The following PACRG variants were observed in gnomAD, a reference collection of about 807,000 sequenced individuals.
PACRG encodes the protein parkin coregulated.
In PACRG, 29 loss-of-function variants were observed where a neutral mutation model predicts 29.7. That is an observed-to-expected ratio of 0.98 (90% confidence interval 0.73 to 1.33). The LOEUF is 1.33. Among genes scored for constraint, PACRG ranks in the 40% most tolerant of loss-of-function variants. PACRG has a pLI of 0.00. For missense variants in PACRG, 279 were observed against 316.2 expected (o/e 0.88, Z 0.89); for synonymous variants, 116 against 118.7 (o/e 0.98, Z 0.15).
Position 162,747,359 on chromosome 6 carries a change from TATATAC to T in PACRG, c.156+18970_156+18975del, listed in dbSNP as rs1272754928. Among the ~76,000 whole-genome samples the T allele has an allele frequency of 3.5e-4, 21 of 59,258 alleles. 2 individuals are homozygous for T. Among genetic ancestry groups the T allele is most frequent in the African/African-American group, 9.1e-4 (10 of 11,012 alleles). The allele number at this position is 59,258 out of a possible 152,430, so 38.9% of individuals were successfully genotyped here. On this transcript the variant is annotated intron_variant, in intron 1 of 4. Transcript: ENST00000366888. Reference sequence around the variant, plus strand: ...ATATATATATATATATATATATATATATATACACATACATATATATGTATATATATG... The same window carrying T: ...ATATATATATATATATATATATATATACATACATATATATGTATATATATG...
intron 2 of PACRG, among the ~76,000 whole-genome samples, chr6:162,837,596 T>C (rs924553341): frequency 6.6e-6 from 1 of 152,174 alleles, no homozygotes; most frequent in Non-Finnish European, 1.5e-5. Context: ...TCACAACTTA[T>C]CTGGAAAAAT....
intron 4 of PACRG, among the ~76,000 whole-genome samples, chr6:163,112,539 A>ATT: frequency 6.6e-6 from 1 of 152,170 alleles, no homozygotes; most frequent in African/African-American, 2.4e-5. Context: ...TATGGCCAGT[A>ATT]ACCCCCTTTT....
intron 1 of PACRG, among the ~76,000 whole-genome samples, chr6:162,778,857 A>T (rs773383244): frequency 2.0e-5 from 3 of 152,212 alleles, no homozygotes; most frequent in African/African-American, 7.2e-5. Flanking sequence ...AGGTTCCAAC[A>T]CTACTTTATT....
chr6:162,985,570 G>C (rs1009281653), intron 2 of PACRG, among the ~76,000 whole-genome samples: 1 of 151,978 alleles, frequency 6.6e-6, no homozygotes. Flanking sequence ...CATAATAAAA[G>C]CCATGTATGA....
At chr6:162,996,475 C>G (rs575866767) in intron 2 of PACRG, among the ~76,000 whole-genome samples, 1 of 152,168 alleles carries the variant, frequency 6.6e-6, no homozygotes, top group African/African-American at 2.4e-5. Flanking sequence ...AACCATTATA[C>G]ACAAAGATGC....
At chr6:163,046,377 CT>C (rs1457188205) in intron 2 of PACRG, among the ~76,000 whole-genome samples, 2 of 103,722 alleles carry the variant, frequency 1.9e-5, no homozygotes, top group African/African-American at 6.2e-5. Context: ...TCTTACTTAA[CT>C]TTTTGTGATT....
At chr6:163,100,957 T>C (rs1208716329) in intron 4 of PACRG, 1 of 984,920 alleles carries the variant, frequency 1.0e-6, no homozygotes, top group Admixed American at 6.1e-5. Context: ...GATGGCAACG[T>C]AATTATGACC....
At chr6:162,755,114 A>G (rs900246290) in intron 1 of PACRG, among the ~76,000 whole-genome samples, 5 of 151,922 alleles carry the variant, frequency 3.3e-5, no homozygotes, top group African/African-American at 1.2e-4. Context: ...GATCCTTTGT[A>G]TTTTTGTAGT....
chr6:162,751,912 G>A (rs1781541142), intron 1 of PACRG, among the ~76,000 whole-genome samples: 2 of 152,116 alleles, frequency 1.3e-5, no homozygotes, highest in South Asian at 2.1e-4. Context: ...CTTCTGTATC[G>A]ATCTGACATA....
At chr6:163,161,022 A>G in intron 4 of PACRG, among the ~76,000 whole-genome samples, 1 of 152,210 alleles carries the variant, frequency 6.6e-6, no homozygotes, top group East Asian at 1.9e-4. Flanking sequence ...AGGAAGCGGC[A>G]AAGCCAGGAT....
chr6:162,967,583 T>C (rs1349565095), intron 2 of PACRG, among the ~76,000 whole-genome samples: 2 of 151,754 alleles, frequency 1.3e-5, no homozygotes, highest in African/African-American at 4.8e-5. Flanking sequence ...CTCGGCTCAC[T>C]GCAAGCTCCG....
At chr6:162,779,490 G>A (rs959980846) in intron 1 of PACRG, among the ~76,000 whole-genome samples, 2 of 152,188 alleles carry the variant, frequency 1.3e-5, no homozygotes, top group African/African-American at 4.8e-5. Context: ...TGTAAAGGGA[G>A]AGAAAATTCA....
At chr6:163,283,836 A>G (rs557184182) in intron 4 of PACRG, among the ~76,000 whole-genome samples, 19 of 146,048 alleles carry the variant, frequency 1.3e-4, no homozygotes, top group Non-Finnish European at 2.6e-4. Context: ...AATTTAGGCC[A>G]GATGCGGTGG....
intron 2 of PACRG, among the ~76,000 whole-genome samples, chr6:162,894,771 T>G (rs1795039112): frequency 6.6e-6 from 1 of 152,384 alleles, no homozygotes; most frequent in South Asian, 2.1e-4. Flanking sequence ...GAAGGAATTA[T>G]GCCAGCTTTG....
At position 163,035,133 on chromosome 6, in the gene PACRG, G is replaced by A. The variant is rs146111088; in HGVS notation, c.292-27017G>A. ...ATCTTGGTTTTGGTGGGTTTTAGCC[G>A]GCTTCTTTACTGCAGTCTGTTTTAT... On this transcript the variant is annotated intron_variant, in intron 2 of 4. Transcript: ENST00000366888. Among the ~76,000 whole-genome samples the A allele has an allele frequency of 3.6e-3, 545 of 152,210 alleles. 3 individuals are homozygous for A. The highest frequency in any genetic ancestry group is 0.012 in the African/African-American group (517 of 41,536).
In PACRG at chr6:163,021,738, G is replaced by A. The variant is rs527810163; in HGVS notation, c.292-40412G>A. Among the ~76,000 whole-genome samples, 17 of 152,122 alleles carry A rather than the reference G, an allele frequency of 1.1e-4. No individual in the cohort carries two copies. In the East Asian group the frequency reaches 2.7e-3, roughly 24 times the overall value. On this transcript the variant is annotated intron_variant, in intron 2 of 4. Transcript: ENST00000366888. Reference sequence around the variant, plus strand: ...CTTCAGACCCAGCTTCAGCTGTCCCGAATTCTGCAGTTCCCCAAGGCCACC... The same window carrying A: ...CTTCAGACCCAGCTTCAGCTGTCCCAAATTCTGCAGTTCCCCAAGGCCACC...
chr6:162,957,732 A>ACC (rs1407357816), intron 2 of PACRG, among the ~76,000 whole-genome samples: 4 of 152,144 alleles, frequency 2.6e-5, no homozygotes, highest in Admixed American at 2.6e-4. Flanking sequence ...TTCCTTTTAA[A>ACC]ATTAAGAAGC....
intron 2 of PACRG, among the ~76,000 whole-genome samples, chr6:163,039,897 A>T (rs2128236075): frequency 6.6e-6 from 1 of 152,378 alleles, no homozygotes; most frequent in South Asian, 2.1e-4. Flanking sequence ...GTAGTAGAAA[A>T]GAACAACCCA....
At chr6:162,925,359 A>G (rs1797358155) in intron 2 of PACRG, among the ~76,000 whole-genome samples, 1 of 152,076 alleles carries the variant, frequency 6.6e-6, no homozygotes, top group Admixed American at 6.6e-5. Context: ...GAGACACAAC[A>G]AAAAAAGAAA....
Sources: allele counts gnomAD v4.1 joint callset (sites outside exome capture counted in the v4.1 genomes callset), GRCh38; gene constraint gnomAD v4.1.1; transcripts MANE v1.5; gene names NCBI Gene and HGNC (gene_info 2026-07-23, HGNC 2026-07-21).